Variants in PLLP observed in about 807,000 individuals in gnomAD.
PLLP encodes the protein plasmolipin.
In PLLP, 15 loss-of-function variants were observed where a neutral mutation model predicts 19.7. The observed-to-expected ratio is 0.76, with a 90% CI of 0.51 to 1.17. The LOEUF is 1.17. PLLP is among the 50% of genes most tolerant of loss of function. PLLP has a pLI of 0.00. For synonymous variants in PLLP, 111 were observed against 116.3 expected, an observed-to-expected ratio of 0.95 and a Z score of 0.29; for missense variants, 255 against 258.3, an observed-to-expected ratio of 0.99 and a Z score of 0.09.
At chr16:57,269,014 A>G (rs1295757361) in intron 1 of PLLP, among the ~76,000 whole-genome samples, 1 of 152,194 alleles carries the variant, frequency 6.6e-6, no homozygotes, top group Non-Finnish European at 1.5e-5. Flanking sequence ...CACCTGACAG[A>G]TAAGGCGGTG....
At chr16:57,277,928 T>A (rs930209680) in intron 1 of PLLP, among the ~76,000 whole-genome samples, 4 of 151,768 alleles carry the variant, frequency 2.6e-5, no homozygotes, top group Non-Finnish European at 4.4e-5. Flanking sequence ...GTCTCTGTAA[T>A]TTTTTTTTCA....
intron 1 of PLLP, among the ~76,000 whole-genome samples, chr16:57,279,483 G>A (rs1167372071): frequency 6.6e-6 from 1 of 151,656 alleles, no homozygotes; most frequent in Non-Finnish European, 1.5e-5. Context: ...GACCAGTCTG[G>A]GTAACATGAT....
rs201635484 is a variant in PLLP, at chr16:57,258,447, G to A, written c.432+15C>T. On this transcript the variant is annotated intron_variant, in intron 3 of 3. Coordinates refer to ENST00000219207, the MANE Select transcript of PLLP (RefSeq NM_015993.3). ...ACCCTGCAGACCACCAAGGGAGCCT[G>A]GGAAGCAGACTCACCGAGGCAGCCG... 12 of 1,606,968 alleles carry A rather than the reference G, an allele frequency of 7.5e-6. No individual in the cohort carries two copies. The East Asian group carries it at 2.2e-4, about 30-fold the overall frequency.
intron 1 of PLLP, among the ~76,000 whole-genome samples, chr16:57,266,863 C>CT (rs34562097): frequency 0.054 from 5,201 of 96,984 alleles, 90 homozygotes; most frequent in Non-Finnish European, 0.062. Flanking sequence ...GGCACAGGGC[C>CT]TTTTTTTTTT....
At chr16:57,260,846 G>A (rs748404082) in intron 2 of PLLP, among the ~76,000 whole-genome samples, 4 of 152,210 alleles carry the variant, frequency 2.6e-5, no homozygotes. Context: ...CCAGGTGCCC[G>A]AGCTTGTCCT....
intron 1 of PLLP, 79 bp downstream of exon 1, chr16:57,284,327 C>T: frequency 8.3e-7 from 1 of 1,203,682 alleles, no homozygotes; most frequent in Non-Finnish European, 1.1e-6. Flanking sequence ...GAAAAATGAA[C>T]GCAGCGCCGG....
intron 1 of PLLP, among the ~76,000 whole-genome samples, chr16:57,265,348 G>A (rs1034645062): frequency 2.8e-4 from 42 of 152,250 alleles, no homozygotes; most frequent in African/African-American, 9.6e-4. Flanking sequence ...CAAACACTTC[G>A]GGCAGCACGC....
intron 1 of PLLP, among the ~76,000 whole-genome samples, chr16:57,276,887 C>T (rs980139744): frequency 7.9e-5 from 12 of 152,034 alleles, no homozygotes; most frequent in African/African-American, 2.2e-4. Context: ...CAGCAGGGTG[C>T]GCAACAGCAA....
At chr16:57,276,665 T>C (rs1157429639) in intron 1 of PLLP, among the ~76,000 whole-genome samples, 1 of 151,712 alleles carries the variant, frequency 6.6e-6, no homozygotes, top group African/African-American at 2.4e-5. Flanking sequence ...TCTATTCGAT[T>C]GGGGCACATC....
At chr16:57,281,629 G>A (rs1169576887) in intron 1 of PLLP, among the ~76,000 whole-genome samples, 1 of 149,304 alleles carries the variant, frequency 6.7e-6, no homozygotes, top group African/African-American at 2.5e-5. Flanking sequence ...TCCCGCCTCA[G>A]CCTCCCGAGT....
At chr16:57,270,366 C>T (rs1347912043) in intron 1 of PLLP, among the ~76,000 whole-genome samples, 1 of 149,994 alleles carries the variant, frequency 6.7e-6, no homozygotes, top group Non-Finnish European at 1.5e-5. Context: ...TTCCCCTGCC[C>T]CCAAGTCCAT....
intron 1 of PLLP, among the ~76,000 whole-genome samples, chr16:57,276,604 AAAAG>A (rs1434105365): frequency 1.3e-5 from 2 of 151,644 alleles, no homozygotes; most frequent in African/African-American, 2.4e-5. Flanking sequence ...AAAAAAAAAA[AAAAG>A]AGAGAGAGAG....
chr16:57,279,079 C>T (rs1200146931), intron 1 of PLLP, among the ~76,000 whole-genome samples: 2 of 152,202 alleles, frequency 1.3e-5, no homozygotes, highest in South Asian at 2.1e-4. Context: ...TAAGAACCCT[C>T]GGATCCTATA....
In PLLP at chr16:57,284,481, T is replaced by C; in HGVS notation, c.60A>G (p.Glu20=). 1.4e-6 allele frequency: 2 copies of C among 1,439,828 alleles called. No individual in the cohort carries two copies. The highest frequency in any genetic ancestry group is 1.8e-6 in the Non-Finnish European group (2 of 1,092,004). 89.2% of individuals were successfully genotyped at this position (1,439,828 alleles called of 1,614,324 possible). A position where few individuals can be genotyped will look rare whatever the true frequency, so the allele number is the denominator to read the frequency against. ...CCGGGCGCAGCGCCGACACCGAGGC[T>C]TCGGCGCCCTGCGCAGGACTGCTGG... is the stretch of plus-strand genomic sequence containing the variant. ...TRTSSPAQGA[E]ASVSALRPDL... The change falls in exon 1 of 4, where the codon GAA becomes GAG. Residue 20 remains glutamate, a synonymous_variant. Transcript: ENST00000219207.
In PLLP at chr16:57,284,672, C is replaced by T; in HGVS notation, c.-132G>A. The T allele has an allele frequency of 2.1e-6, 2 of 933,506 alleles. No individual in the cohort carries two copies. Among genetic ancestry groups the T allele is most frequent in the Middle Eastern group, 3.8e-4 (1 of 2,650 alleles). The allele number at this position is 933,506 out of a possible 1,614,324, so 57.8% of individuals were successfully genotyped here. A position where few individuals can be genotyped will look rare whatever the true frequency, so the allele number is the denominator to read the frequency against. ...TGGCTCCAGGCGCTGCAGGAGGCGT[C>T]GGGGCTGGGAGCCTGGGGCGCCAGG... On this transcript the variant is annotated 5_prime_UTR_variant, in exon 1 of 4. Transcript: ENST00000219207.
chr16:57,268,139 G>C (rs2075463479), intron 1 of PLLP, among the ~76,000 whole-genome samples: 1 of 152,198 alleles, frequency 6.6e-6, no homozygotes, highest in Non-Finnish European at 1.5e-5. Context: ...ACATGGGACA[G>C]ACTCTCCCTC....
chr16:57,273,242 A>G lies in PLLP; in HGVS notation c.135+11164T>C, dbSNP rs1392941830. On this transcript the variant is annotated intron_variant, in intron 1 of 3. Transcript: ENST00000219207. ...GCCACTGCACTCCAGCCTGGGGGAC[A>G]GAGCAAGACTCCATCTCAAAAAAAA... Among the ~76,000 whole-genome samples, 4 of 151,608 alleles carry G rather than the reference A, an allele frequency of 2.6e-5. No homozygotes were observed. The East Asian group carries it at 5.8e-4, about 22-fold the overall frequency.
At chr16:57,277,197 C>T (rs1481174107) in intron 1 of PLLP, among the ~76,000 whole-genome samples, 2 of 152,196 alleles carry the variant, frequency 1.3e-5, no homozygotes, top group Non-Finnish European at 2.9e-5. Context: ...TGAGAGTGGG[C>T]ATGAAGGAGT....
At chr16:57,280,714 C>G (rs1901209169) in intron 1 of PLLP, among the ~76,000 whole-genome samples, 2 of 152,248 alleles carry the variant, frequency 1.3e-5, no homozygotes, top group Non-Finnish European at 2.9e-5. Flanking sequence ...CTCCCCTCCA[C>G]ACCACCAGCT....
Sources: gnomAD v4.1 joint callset for allele counts (sites outside exome capture counted in the v4.1 genomes callset) on GRCh38, gnomAD v4.1.1 for gene constraint, MANE v1.5 for transcripts, NCBI Gene and HGNC (gene_info 2026-07-23, HGNC 2026-07-21) for gene names.